Variants in ZFR2 observed in about 807,000 individuals in gnomAD.
ZFR2 encodes zinc finger RNA binding protein 2, also known as zinc finger RNA-binding protein 2.
Under a neutral mutation model 105.7 loss-of-function variants are expected in ZFR2, and 104 were observed. The observed-to-expected ratio is 0.98, with a 90% CI of 0.84 to 1.16. The LOEUF is 1.16. ZFR2 is among the 50% of genes most tolerant of loss of function. ZFR2 has a pLI of 0.00. For missense variants in ZFR2, 1,425 were observed against 1,355.5 expected (o/e 1.05, Z -0.80); for synonymous variants, 634 against 597.7 (o/e 1.06, Z -0.89).
rs2038112305 is a variant in ZFR2 at position 3,839,491 on chromosome 19, A to G, written c.54-4508T>C. On this transcript the variant is annotated intron_variant, in intron 1 of 18. Transcript: ENST00000262961. ...GAGGCGGAGGCTGCAGTGAGCCGAG[A>G]CCGCTCCATTCCACTCCAGCCTGGG... 2.4e-5 allele frequency among the ~76,000 whole-genome samples: 3 copies of G among 127,116 alleles called. No homozygotes were observed. In the South Asian group the frequency reaches 8.2e-4, roughly 35 times the overall value. 83.4% of individuals were successfully genotyped at this position (127,116 alleles called of 152,430 possible). A position where few individuals can be genotyped will look rare whatever the true frequency, so the allele number is the denominator to read the frequency against.
At chr19:3,865,935 G>C (rs562934425) in intron 1 of ZFR2, among the ~76,000 whole-genome samples, 4 of 151,978 alleles carry the variant, frequency 2.6e-5, no homozygotes, top group African/African-American at 9.7e-5. Context: ...TCCACCTCCC[G>C]CGTTCAAGAG....
intron 14 of ZFR2, among the ~76,000 whole-genome samples, chr19:3,812,772 C>A (rs757391177): frequency 1.3e-5 from 2 of 152,018 alleles, no homozygotes; most frequent in Admixed American, 1.3e-4. Flanking sequence ...CAAAACAAAA[C>A]ACTTAAGCTT....
intron 1 of ZFR2, 141 bp downstream of exon 1, chr19:3,868,824 G>T: frequency 1.4e-6 from 1 of 694,950 alleles, no homozygotes; most frequent in Non-Finnish European, 2.0e-6. Context: ...CCGGCGCCGC[G>T]GCTTCCCTCA....
At chr19:3,827,777 C>T in intron 5 of ZFR2, 124 bp from the exon 6 acceptor site, 1 of 1,047,430 alleles carries the variant, frequency 9.5e-7, no homozygotes, top group Non-Finnish European at 1.4e-6. Context: ...TGTCCCCAAC[C>T]CTCCATTCCC....
intron 13 of ZFR2, among the ~76,000 whole-genome samples, chr19:3,816,346 A>C (rs949379661): frequency 2.7e-5 from 4 of 150,938 alleles, no homozygotes. Context: ...CCGGGATTTA[A>C]GTGATTCTCC....
At chr19:3,835,915 T>C (rs1421558927) in intron 1 of ZFR2, among the ~76,000 whole-genome samples, 2 of 148,570 alleles carry the variant, frequency 1.3e-5, no homozygotes, top group Non-Finnish European at 2.9e-5. Context: ...ATCTCACCAC[T>C]GAACTCCAGC....
At chr19:3,817,993 A>G (rs1469306249) in intron 12 of ZFR2, among the ~76,000 whole-genome samples, 4 of 152,218 alleles carry the variant, frequency 2.6e-5, no homozygotes, top group Non-Finnish European at 5.9e-5. Flanking sequence ...GCGGGCACGC[A>G]TGGGTGCACG....
rs1464962513 is a variant in ZFR2 at position 3,823,747 on chromosome 19, C to T, written c.1214-344G>A. Among the ~76,000 whole-genome samples, 1 of 152,130 alleles carries T rather than the reference C, an allele frequency of 6.6e-6. No individual in the cohort carries two copies. The highest frequency in any genetic ancestry group is 1.5e-5 in the Non-Finnish European group (1 of 68,028). ...TCGCACTTAACCTACCCCCGTTAGG[C>T]GAAATGATGGAGCCTCGGGGGGAGA... is the stretch of plus-strand genomic sequence containing the variant. On this transcript the variant is annotated intron_variant, in intron 7 of 18. Coordinates refer to ENST00000262961, the MANE Select transcript of ZFR2 (RefSeq NM_015174.2). The surrounding 1 kb of genome is among the most constrained non-coding windows in gnomAD (Gnocchi z 5.4).
At chr19:3,847,892 C>A (rs1186252694) in intron 1 of ZFR2, among the ~76,000 whole-genome samples, 1 of 152,184 alleles carries the variant, frequency 6.6e-6, no homozygotes, top group Non-Finnish European at 1.5e-5. Flanking sequence ...ACCACCCTCT[C>A]CTGAGACATA....
At chr19:3,867,078 G>A (rs749762123) in intron 1 of ZFR2, among the ~76,000 whole-genome samples, 4 of 152,254 alleles carry the variant, frequency 2.6e-5, no homozygotes, top group South Asian at 4.1e-4. Flanking sequence ...CCGCTCCACC[G>A]CGGGAAGCTG....
intron 1 of ZFR2, among the ~76,000 whole-genome samples, chr19:3,868,729 C>A (rs937622422): frequency 6.6e-6 from 1 of 152,098 alleles, no homozygotes; most frequent in Admixed American, 6.5e-5. Flanking sequence ...CGACAGACAC[C>A]GTTGGCTGCA....
At chr19:3,831,579 A>G (rs1272615532) in intron 4 of ZFR2, 23 bp from the exon 5 acceptor site, 1 of 1,544,378 alleles carries the variant, frequency 6.5e-7, no homozygotes, top group African/African-American at 1.4e-5. Flanking sequence ...GAAAACAATG[A>G]GTCGGGGGGA....
intron 15 of ZFR2, 80 bp downstream of exon 15, chr19:3,811,192 G>A (rs554106913): frequency 4.4e-5 from 61 of 1,372,850 alleles, no homozygotes; most frequent in Middle Eastern, 2.6e-4. Context: ...TGAGGCGGCC[G>A]CGCCGGGTTG....
chr19:3,812,494 T>C (rs1308128137), intron 14 of ZFR2, among the ~76,000 whole-genome samples: 1 of 151,950 alleles, frequency 6.6e-6, no homozygotes, highest in Non-Finnish European at 1.5e-5. Flanking sequence ...CTCACGGGGC[T>C]CTTCTGTCAC....
At chr19:3,836,357 C>T (rs887919132) in intron 1 of ZFR2, among the ~76,000 whole-genome samples, 12 of 152,160 alleles carry the variant, frequency 7.9e-5, no homozygotes, top group Non-Finnish European at 1.3e-4. Flanking sequence ...AAGGGTCTCG[C>T]TCTGTCACCC....
At chr19:3,853,092 C>T (rs2038258759) in intron 1 of ZFR2, among the ~76,000 whole-genome samples, 1 of 152,192 alleles carries the variant, frequency 6.6e-6, no homozygotes, top group Admixed American at 6.5e-5. Flanking sequence ...AGTGAGACCC[C>T]ATCTCTTAAA....
chr19:3,812,262 T>A (rs1041625418), intron 14 of ZFR2, among the ~76,000 whole-genome samples: 4 of 152,208 alleles, frequency 2.6e-5, no homozygotes, highest in South Asian at 2.1e-4. Context: ...TTGTTTTTTT[T>A]ATAAATGGGG....
chr19:3,868,118 C>T (rs2038454520), intron 1 of ZFR2, among the ~76,000 whole-genome samples: 1 of 143,370 alleles, frequency 7.0e-6, no homozygotes, highest in Non-Finnish European at 1.5e-5. Context: ...GAATTCTCTC[C>T]CCCTACCAGC....
intron 1 of ZFR2, among the ~76,000 whole-genome samples, chr19:3,856,736 T>C (rs1221596431): frequency 1.3e-5 from 2 of 152,162 alleles, no homozygotes; most frequent in African/African-American, 2.4e-5. Flanking sequence ...AGCCAGAGTT[T>C]CCTTTATTTT....
Sources: allele counts gnomAD v4.1 joint callset (sites outside exome capture counted in the v4.1 genomes callset), GRCh38; gene constraint gnomAD v4.1.1; non-coding constraint Gnocchi (gnomAD v3.1); transcripts MANE v1.5; gene names NCBI Gene and HGNC (gene_info 2026-07-23, HGNC 2026-07-21).